The following PIWIL2 variants were observed in gnomAD, a reference collection of about 807,000 sequenced individuals.
The protein encoded by PIWIL2 is piwi-like protein 2.
PIWIL2 carries 81 observed loss-of-function variants against 116.5 expected under a neutral mutation model. The observed-to-expected ratio is 0.70, with a 90% CI of 0.58 to 0.84. PIWIL2 has a LOEUF of 0.84. Ranked by LOEUF, PIWIL2 falls within the 40% of genes least tolerant of loss-of-function variation. The probability of loss-of-function intolerance (pLI) is 0.00; values close to 1 mark genes in which losing one functional copy is unlikely to be tolerated. For synonymous variants in PIWIL2, 489 were observed against 429.5 expected (o/e 1.14, Z -1.71); for missense variants, 1,272 against 1,212.3 (o/e 1.05, Z -0.73).
intron 3 of PIWIL2, 82 bp downstream of exon 3, chr8:22,281,289 C>T (rs545267699): frequency 3.8e-5 from 59 of 1,545,284 alleles, no homozygotes; most frequent in African/African-American, 8.4e-5. Context: ...TTTTCAGAAA[C>T]GTAACTGTGC....
intron 21 of PIWIL2, among the ~76,000 whole-genome samples, chr8:22,353,565 T>C (rs909430047): frequency 6.6e-6 from 1 of 152,008 alleles, no homozygotes; most frequent in East Asian, 1.9e-4. Flanking sequence ...GGAGAATCGC[T>C]TGAACCTAGG....
chr8:22,281,642 A>G lies in PIWIL2; in HGVS notation c.425+127A>G, dbSNP rs528695602. The G allele has an allele frequency of 2.6e-5, 20 of 773,942 alleles. No individual in the cohort carries two copies. The African/African-American group carries it at 2.9e-4, about 11-fold the overall frequency. 47.9% of individuals were successfully genotyped at this position (773,942 alleles called of 1,614,324 possible). On this transcript the variant is annotated intron_variant, in intron 4 of 22. Transcript: ENST00000356766. ...TGTCTGGTTTTATATTAAAGAATGCATATTTCTCAAGAGTAGTCAGCAGCT... is the reference window on the plus strand; with the variant it reads ...TGTCTGGTTTTATATTAAAGAATGCGTATTTCTCAAGAGTAGTCAGCAGCT...
intron 20 of PIWIL2, among the ~76,000 whole-genome samples, chr8:22,330,746 A>C (rs1368863331): frequency 2.0e-5 from 3 of 151,276 alleles, no homozygotes; most frequent in African/African-American, 7.3e-5. Context: ...ATAAATAAAA[A>C]TAGTTGATAT....
At chr8:22,322,580 TGTCCCGTCCC>T (rs374580706) in intron 20 of PIWIL2, among the ~76,000 whole-genome samples, 9,174 of 151,986 alleles carry the variant, frequency 0.06, 344 homozygotes, top group Admixed American at 0.092. Context: ...TACCCTGTCC[TGTCCCGTCCC>T]GTCCTGTCCC....
chr8:22,278,336 G>A (rs1431833370), intron 1 of PIWIL2, among the ~76,000 whole-genome samples: 4 of 152,084 alleles, frequency 2.6e-5, no homozygotes, highest in Non-Finnish European at 4.4e-5. Flanking sequence ...CCTTGGCAAC[G>A]TGGCAAGACC....
At chr8:22,293,995 C>G (rs1207868058) in intron 10 of PIWIL2, among the ~76,000 whole-genome samples, 3 of 152,066 alleles carry the variant, frequency 2.0e-5, no homozygotes, top group Admixed American at 1.3e-4. Context: ...AGAATGTTCA[C>G]TTAGTCTTCC....
At chr8:22,278,837 C>T (rs894555078) in intron 1 of PIWIL2, among the ~76,000 whole-genome samples, 6 of 152,138 alleles carry the variant, frequency 3.9e-5, no homozygotes, top group Non-Finnish European at 5.9e-5. Flanking sequence ...TTGTGAACTT[C>T]GCATTGGAGG....
In PIWIL2 at chr8:22,301,101, T is replaced by A. The variant is rs1831036557; in HGVS notation, c.1182-2920T>A. On this transcript the variant is annotated intron_variant, in intron 10 of 22. Transcript: ENST00000356766. ...CTCAAGCAGTCCTCTCACCTCACCC[T>A]CCTGAGTAGCTGTGACTACAGGCAT... Among the ~76,000 whole-genome samples the A allele has an allele frequency of 2.6e-5, 4 of 151,954 alleles. No homozygotes were observed. The South Asian group carries it at 8.3e-4, about 32-fold the overall frequency.
intron 2 of PIWIL2, among the ~76,000 whole-genome samples, chr8:22,279,887 G>C (rs894899942): frequency 6.6e-6 from 1 of 152,208 alleles, no homozygotes; most frequent in Non-Finnish European, 1.5e-5. Context: ...AACCGTGGAG[G>C]CGGAGGTTGC....
chr8:22,299,973 CCT>C lies in PIWIL2; in HGVS notation c.1182-4047_1182-4046del, dbSNP rs1831007119. 2.0e-5 allele frequency among the ~76,000 whole-genome samples: 3 copies of C among 151,900 alleles called. No individual in the cohort carries two copies. In the East Asian group the frequency reaches 5.8e-4, roughly 29 times the overall value. Reference sequence around the variant, plus strand: ...TTGGGTGGGGGGAACAGAATCTCTCCCTGTCACCCAGGCTGGAGTGCAATGGT... The same window carrying C: ...TTGGGTGGGGGGAACAGAATCTCTCCGTCACCCAGGCTGGAGTGCAATGGT... On this transcript the variant is annotated intron_variant, in intron 10 of 22. Coordinates refer to ENST00000356766, the MANE Select transcript of PIWIL2 (RefSeq NM_018068.5).
chr8:22,304,818 C>A lies in PIWIL2; in HGVS notation c.1405C>A (p.Gln469Lys). Residue 469 changes from glutamine (Q) to lysine (K), a missense_variant, in exon 12 of 23, where the codon CAG becomes AAG. By Grantham distance (53) the Gln-to-Lys change is moderately conservative (BLOSUM62 1). Coordinates refer to ENST00000356766, the MANE Select transcript of PIWIL2 (RefSeq NM_018068.5). ...NYGITVKEED[Q>K]PLLIHRPSER... Reference sequence around the variant, plus strand: ...TGGGATCACAGTTAAGGAAGAGGACCAGCCATTGCTGATTCACAGGCCCAG... The same window carrying A: ...TGGGATCACAGTTAAGGAAGAGGACAAGCCATTGCTGATTCACAGGCCCAG... 1 of 1,613,530 alleles carries A rather than the reference C, an allele frequency of 6.2e-7. No individual in the cohort carries two copies. The highest frequency in any genetic ancestry group is 8.5e-7 in the Non-Finnish European group (1 of 1,179,488).
At chr8:22,286,886 T>G (rs1830640859) in intron 6 of PIWIL2, among the ~76,000 whole-genome samples, 1 of 151,668 alleles carries the variant, frequency 6.6e-6, no homozygotes, top group South Asian at 2.1e-4. Flanking sequence ...CCTCCCAAAG[T>G]GCTGGGATTA....
chr8:22,323,896 G>A (rs966588434), intron 20 of PIWIL2, among the ~76,000 whole-genome samples: 12 of 152,034 alleles, frequency 7.9e-5, no homozygotes, highest in African/African-American at 2.7e-4. Flanking sequence ...TACCCCTTTA[G>A]GCATCCCATT....
intron 20 of PIWIL2, among the ~76,000 whole-genome samples, chr8:22,337,296 G>A (rs559649558): frequency 6.6e-6 from 1 of 152,118 alleles, no homozygotes; most frequent in Non-Finnish European, 1.5e-5. Flanking sequence ...ATAAATGAGG[G>A]CAGCAAGGTT....
intron 18 of PIWIL2, 37 bp downstream of exon 18, chr8:22,315,182 G>C (rs777078814): frequency 5.3e-6 from 6 of 1,130,876 alleles, no homozygotes; most frequent in Non-Finnish European, 6.8e-6. Flanking sequence ...TGCCTCTCCA[G>C]AGAATCCTCC....
chr8:22,314,381 T>C lies in PIWIL2; in HGVS notation c.2043T>C (p.Tyr681=), dbSNP rs1831403252. The part of the protein sequence containing the change: ...CIIMGPRDDL[Y]GAIKKLCCVQ... ...TCATGGGCCCACGTGATGATCTCTA[T>C]GGGGCCATCAAGAAGCTGTGCTGTG... The change falls in exon 17 of 23, where the codon TAT becomes TAC. Residue 681 remains tyrosine (Y), a synonymous_variant. Coordinates refer to ENST00000356766, the MANE Select transcript of PIWIL2 (RefSeq NM_018068.5). 6.3e-7 allele frequency: 1 copy of C among 1,589,240 alleles called. No homozygotes were observed. The highest frequency in any genetic ancestry group is 8.6e-7 in the Non-Finnish European group (1 of 1,166,344).
intron 9 of PIWIL2, 29 bp downstream of exon 9, chr8:22,289,956 T>C (rs912607272): frequency 1.4e-5 from 20 of 1,425,498 alleles, no homozygotes; most frequent in Non-Finnish European, 1.8e-5. Context: ...TCCCTCACTT[T>C]TGAATGTTCT....
chr8:22,331,275 A>C (rs939425264), intron 20 of PIWIL2, among the ~76,000 whole-genome samples: 3 of 152,118 alleles, frequency 2.0e-5, no homozygotes, highest in Non-Finnish European at 4.4e-5. Flanking sequence ...GTAGGAGGAT[A>C]GCTTGAGGCC....
At chr8:22,338,749 A>AC (rs1227302374) in intron 20 of PIWIL2, among the ~76,000 whole-genome samples, 1 of 152,224 alleles carries the variant, frequency 6.6e-6, no homozygotes, top group East Asian at 1.9e-4. Context: ...TTAGCAGAAA[A>AC]CAATGGAGTA....
Sources: gnomAD v4.1 joint callset for allele counts (sites outside exome capture counted in the v4.1 genomes callset) on GRCh38, gnomAD v4.1.1 for gene constraint, MANE v1.5 for transcripts, NCBI Gene and HGNC (gene_info 2026-07-23, HGNC 2026-07-21) for gene names.